ROBO2: variants seen among roughly 807,000 people sequenced by gnomAD.
ROBO2 encodes roundabout homolog 2.
ROBO2 carries 53 observed loss-of-function variants against 160.8 expected under a neutral mutation model. The observed-to-expected ratio is 0.33, with a 90% CI of 0.26 to 0.41. The LOEUF (loss-of-function observed/expected upper bound fraction) is 0.41, where lower values mean the gene tolerates loss of function less well. Among genes scored for constraint, ROBO2 ranks in the 10% least tolerant of loss-of-function variants. The pLI is 1.00. For missense variants in ROBO2, 1,577 were observed against 1,722.4 expected (o/e 0.92, Z 1.49); for synonymous variants, 664 against 611.7 (o/e 1.09, Z -1.26).
At position 77,460,260 on chromosome 3, in the gene ROBO2, G is replaced by A. The variant is rs529945125; in HGVS notation, c.389-17154G>A. Among the ~76,000 whole-genome samples, 3 of 152,220 alleles carry A rather than the reference G, an allele frequency of 2.0e-5. No homozygotes were observed. In the East Asian group the frequency reaches 5.8e-4, roughly 29 times the overall value. ...GAGGAGTAATAATAATTCCTTGAGC[G>A]ATTCATAGAAGATGATACCATGTAC... On this transcript the variant is annotated intron_variant, in intron 2 of 25. Transcript: ENST00000461745.
intron 2 of ROBO2, among the ~76,000 whole-genome samples, chr3:76,834,676 A>AT (rs1324024021): frequency 2.6e-5 from 4 of 152,094 alleles, no homozygotes; most frequent in East Asian, 1.9e-4. Context: ...TAATTTTTAA[A>AT]TTTTTTTGTA....
chr3:77,607,907 T>A, exon 21 of ROBO2: 1 of 1,613,746 alleles, frequency 6.2e-7, no homozygotes, highest in Non-Finnish European at 8.5e-7. Flanking sequence ...TCCAGCCCCT[T>A]CCTGGCACGG....
At chr3:77,286,610 C>T (rs1273613584) in intron 2 of ROBO2, among the ~76,000 whole-genome samples, 1 of 152,144 alleles carries the variant, frequency 6.6e-6, no homozygotes, top group Non-Finnish European at 1.5e-5. Context: ...GCCTTCTTTA[C>T]ATCATCCATG....
intron 2 of ROBO2, among the ~76,000 whole-genome samples, chr3:77,386,045 TTGAG>T (rs1338730846): frequency 6.6e-6 from 1 of 152,202 alleles, no homozygotes. Flanking sequence ...CTAATGCATA[TTGAG>T]TATTTCCTAA....
intron 4 of ROBO2, among the ~76,000 whole-genome samples, chr3:77,485,105 T>A (rs2085189529): frequency 6.6e-6 from 1 of 152,148 alleles, no homozygotes; most frequent in South Asian, 2.1e-4. Context: ...TGCTTTTGTC[T>A]TCCTTGTCTG....
intron 2 of ROBO2, among the ~76,000 whole-genome samples, chr3:76,324,180 C>G (rs1434450199): frequency 6.6e-6 from 1 of 152,018 alleles, no homozygotes; most frequent in Non-Finnish European, 1.5e-5. Flanking sequence ...TAGGATGAAA[C>G]GGGGTTACTC....
chr3:77,448,292 C>A (rs988230029), intron 2 of ROBO2, among the ~76,000 whole-genome samples: 1 of 152,050 alleles, frequency 6.6e-6, no homozygotes, highest in Non-Finnish European at 1.5e-5. Flanking sequence ...GGGAGAGTAG[C>A]CCAGCTGCCC....
chr3:76,304,752 TTC>T (rs1491469850), intron 2 of ROBO2, among the ~76,000 whole-genome samples: 4 of 99,916 alleles, frequency 4.0e-5, no homozygotes, highest in Non-Finnish European at 6.0e-5. Context: ...CTTTCCTTCT[TTC>T]TTTCTTTCTT....
intron 2 of ROBO2, among the ~76,000 whole-genome samples, chr3:76,608,651 A>C (rs1468544040): frequency 2.6e-5 from 4 of 152,164 alleles, no homozygotes. Flanking sequence ...CTTTGCCCAG[A>C]CCAACATCCT....
At chr3:76,182,796 G>A (rs1701572887) in intron 2 of ROBO2, among the ~76,000 whole-genome samples, 2 of 152,064 alleles carry the variant, frequency 1.3e-5, no homozygotes, top group African/African-American at 4.8e-5. Flanking sequence ...CTCCCAAAGT[G>A]GTGTTAGTTT....
chr3:75,986,460 A>G (rs2065417569), intron 2 of ROBO2, among the ~76,000 whole-genome samples: 1 of 149,908 alleles, frequency 6.7e-6, no homozygotes, highest in African/African-American at 2.4e-5. Context: ...CCCTTGTCAA[A>G]CATCATTTGC....
At chr3:76,616,973 T>A (rs1373666757) in intron 2 of ROBO2, among the ~76,000 whole-genome samples, 1 of 152,112 alleles carries the variant, frequency 6.6e-6, no homozygotes, top group Non-Finnish European at 1.5e-5. Flanking sequence ...ATGGCCTAGG[T>A]CACTGACCTT....
At chr3:77,443,532 A>T (rs867985573) in intron 2 of ROBO2, among the ~76,000 whole-genome samples, 7 of 152,194 alleles carry the variant, frequency 4.6e-5, no homozygotes, top group African/African-American at 1.7e-4. Flanking sequence ...ATAATATTGA[A>T]GAATAAATGT....
intron 2 of ROBO2, among the ~76,000 whole-genome samples, chr3:76,751,284 C>T (rs2060626716): frequency 6.6e-6 from 1 of 152,022 alleles, no homozygotes; most frequent in Non-Finnish European, 1.5e-5. Flanking sequence ...CTTCCTTGCA[C>T]CTTATACAAA....
chr3:76,820,498 C>A (rs1357700838), intron 2 of ROBO2, among the ~76,000 whole-genome samples: 1 of 151,874 alleles, frequency 6.6e-6, no homozygotes, highest in Non-Finnish European at 1.5e-5. Flanking sequence ...TTATAGCCAT[C>A]CTGGTAGGGC....
chr3:76,734,980 G>A (rs1276475091), intron 2 of ROBO2, among the ~76,000 whole-genome samples: 1 of 152,172 alleles, frequency 6.6e-6, no homozygotes, highest in East Asian at 1.9e-4. Context: ...ATGCATTGTT[G>A]GTAGGAATGT....
intron 2 of ROBO2, among the ~76,000 whole-genome samples, chr3:76,416,779 G>A (rs751129682): frequency 2.0e-5 from 3 of 151,366 alleles, no homozygotes; most frequent in Non-Finnish European, 2.9e-5. Flanking sequence ...CATCATCTGC[G>A]CCGTCAACTT....
chr3:77,501,802 T>C (rs1298371289), intron 5 of ROBO2, among the ~76,000 whole-genome samples: 1 of 152,154 alleles, frequency 6.6e-6, no homozygotes, highest in Non-Finnish European at 1.5e-5. Context: ...CAACTACATT[T>C]TATGTATAGA....
chr3:76,228,838 G>A (rs765740255), intron 2 of ROBO2, among the ~76,000 whole-genome samples: 1 of 152,080 alleles, frequency 6.6e-6, no homozygotes, highest in Non-Finnish European at 1.5e-5. Context: ...AAAATATTTG[G>A]TTATTTCAAA....
Sources: allele counts gnomAD v4.1 joint callset (sites outside exome capture counted in the v4.1 genomes callset), GRCh38; gene constraint gnomAD v4.1.1; transcripts MANE v1.5; gene names NCBI Gene and HGNC (gene_info 2026-07-23, HGNC 2026-07-21).